The following TBC1D12 variants were observed in gnomAD, a reference collection of about 807,000 sequenced individuals.
The protein encoded by TBC1D12 is TBC1 domain family member 12.
TBC1D12 carries 56 observed loss-of-function variants against 86.7 expected under a neutral mutation model. The observed-to-expected ratio is 0.65, with a 90% CI of 0.52 to 0.81. The LOEUF is 0.81. Ranked by LOEUF, TBC1D12 falls within the 30% of genes least tolerant of loss-of-function variation. The pLI is 0.00. For synonymous variants in TBC1D12, 421 were observed against 411.7 expected, an observed-to-expected ratio of 1.02 and a Z score of -0.27; for missense variants, 1,023 against 1,038.8, an observed-to-expected ratio of 0.98 and a Z score of 0.21.
At chr10:94,466,770 A>G (rs564624342) in intron 2 of TBC1D12, among the ~76,000 whole-genome samples, 5 of 152,306 alleles carry the variant, frequency 3.3e-5, no homozygotes, top group African/African-American at 1.2e-4. Flanking sequence ...ACTTTGGTAG[A>G]TTACTATTAA....
At chr10:94,439,938 A>T (rs1384180306) in intron 1 of TBC1D12, among the ~76,000 whole-genome samples, 1 of 152,228 alleles carries the variant, frequency 6.6e-6, no homozygotes, top group African/African-American at 2.4e-5. Flanking sequence ...GTTTAAATTA[A>T]TAGACCATCC....
At chr10:94,465,655 A>AATATATAT (rs753424064) in intron 2 of TBC1D12, among the ~76,000 whole-genome samples, 4 of 106,728 alleles carry the variant, frequency 3.7e-5, no homozygotes, top group East Asian at 4.2e-4. Flanking sequence ...TAAAAAAAAA[A>AATATATAT]ATATATATAT....
At chr10:94,478,132 G>A (rs1371584357) in intron 3 of TBC1D12, among the ~76,000 whole-genome samples, 2 of 152,016 alleles carry the variant, frequency 1.3e-5, no homozygotes, top group South Asian at 2.1e-4. Flanking sequence ...AATAAGCCAG[G>A]GTGTGGTGGC....
chr10:94,443,655 C>G (rs1377687044), intron 2 of TBC1D12, among the ~76,000 whole-genome samples: 3 of 152,124 alleles, frequency 2.0e-5, no homozygotes, highest in Non-Finnish European at 4.4e-5. Context: ...TAATTAGAAG[C>G]AGTACACAGT....
intron 9 of TBC1D12, among the ~76,000 whole-genome samples, chr10:94,518,477 G>T (rs1324110756): frequency 1.3e-5 from 2 of 152,060 alleles, no homozygotes; most frequent in Non-Finnish European, 2.9e-5. Flanking sequence ...TCAGCCTTTT[G>T]TATGTGTCGT....
intron 2 of TBC1D12, among the ~76,000 whole-genome samples, chr10:94,472,644 T>C (rs1260182585): frequency 6.6e-6 from 1 of 152,110 alleles, no homozygotes; most frequent in Non-Finnish European, 1.5e-5. Context: ...AAGAAAAACA[T>C]GAGCAGAAAA....
intron 11 of TBC1D12, among the ~76,000 whole-genome samples, chr10:94,528,602 G>A (rs1341874730): frequency 6.6e-6 from 1 of 151,820 alleles, no homozygotes; most frequent in African/African-American, 2.4e-5. Context: ...CGGGTGGATC[G>A]TCTGAGGTCA....
intron 3 of TBC1D12, among the ~76,000 whole-genome samples, chr10:94,492,311 A>T (rs1383032344): frequency 6.6e-6 from 1 of 152,182 alleles, no homozygotes; most frequent in Non-Finnish European, 1.5e-5. Flanking sequence ...TATGCAAATG[A>T]TGGATGATCC....
intron 11 of TBC1D12, among the ~76,000 whole-genome samples, chr10:94,528,356 C>T (rs1016635801): frequency 5.9e-5 from 9 of 152,140 alleles, no homozygotes; most frequent in Admixed American, 6.5e-5. Flanking sequence ...ATCCAGTTTT[C>T]TGATAGAAGA....
intron 1 of TBC1D12, among the ~76,000 whole-genome samples, chr10:94,429,950 G>A (rs530112542): frequency 3.3e-5 from 5 of 152,182 alleles, no homozygotes; most frequent in South Asian, 2.1e-4. Flanking sequence ...TGCCCAGGCC[G>A]GTCTCGAACT....
intron 2 of TBC1D12, among the ~76,000 whole-genome samples, chr10:94,443,266 T>A (rs2055407236): frequency 6.6e-6 from 1 of 152,202 alleles, no homozygotes; most frequent in Non-Finnish European, 1.5e-5. Context: ...ATGTAGCTAG[T>A]CAGTAGTTAG....
At chr10:94,449,761 A>G (rs1485688374) in intron 2 of TBC1D12, among the ~76,000 whole-genome samples, 1 of 152,188 alleles carries the variant, frequency 6.6e-6, no homozygotes. Context: ...ATATCAGGCA[A>G]TTTTGGCTCT....
intron 3 of TBC1D12, among the ~76,000 whole-genome samples, chr10:94,483,733 T>G (rs1005197378): frequency 7.2e-6 from 1 of 139,654 alleles, no homozygotes; most frequent in South Asian, 2.2e-4. Context: ...TTTGTTTTTG[T>G]TTTTTTTTGT....
At position 94,522,039 on chromosome 10, in the gene TBC1D12, A is replaced by C; in HGVS notation, c.1846A>C (p.Asn616His). ...DAFIAFANLL[N>H]KPCQLAFFRV... ...CTTTATCGCATTTGCCAATCTCCTG[A>C]ATAAGCCATGCCAGTTGGCCTTTTT... The change falls in exon 10 of 13, where the codon AAT becomes CAT. Residue 616 changes from asparagine to histidine, a missense_variant. Physicochemically the swap from Asn to His is moderately conservative, Grantham distance 68 (BLOSUM62 1). Coordinates refer to ENST00000225235, the MANE Select transcript of TBC1D12 (RefSeq NM_015188.2). 6.2e-7 allele frequency: 1 copy of C among 1,613,136 alleles called. No individual in the cohort carries two copies.
At chr10:94,418,897 CAG>C (rs1256451697) in intron 1 of TBC1D12, among the ~76,000 whole-genome samples, 1 of 146,824 alleles carries the variant, frequency 6.8e-6, no homozygotes, top group East Asian at 2.0e-4. Context: ...TTTTTCGAGG[CAG>C]AGTCTCGCTC....
chr10:94,437,991 C>CTTTTTTTTTTTTTTTTTTTTTTTT (rs60477158), intron 1 of TBC1D12, among the ~76,000 whole-genome samples: 1 of 30,034 alleles, frequency 3.3e-5, no homozygotes, highest in Non-Finnish European at 5.3e-5. Flanking sequence ...TCTCCTGGAG[C>CTTTTTTTTTTTTTTTTTTTTTTTT]TTTTTTTTTT....
chr10:94,531,068 C>T, intron 11 of TBC1D12, 134 bp from the exon 12 acceptor site: 5 of 1,006,920 alleles, frequency 5.0e-6, no homozygotes, highest in Non-Finnish European at 7.2e-6. Context: ...CCGTGTTGGC[C>T]AGGATGGGAA....
At chr10:94,448,966 G>T (rs1009251563) in intron 2 of TBC1D12, among the ~76,000 whole-genome samples, 1 of 152,126 alleles carries the variant, frequency 6.6e-6, no homozygotes, top group Non-Finnish European at 1.5e-5. Context: ...AATTTGTGTG[G>T]TCTAAAGATT....
At chr10:94,441,009 T>C (rs1053790045) in intron 1 of TBC1D12, among the ~76,000 whole-genome samples, 8 of 151,966 alleles carry the variant, frequency 5.3e-5, no homozygotes, top group African/African-American at 7.2e-5. Context: ...ACCACCACGC[T>C]TGGCTAATTT....
Sources: gnomAD v4.1 joint callset for allele counts (sites outside exome capture counted in the v4.1 genomes callset) on GRCh38, gnomAD v4.1.1 for gene constraint, MANE v1.5 for transcripts, NCBI Gene and HGNC (gene_info 2026-07-23, HGNC 2026-07-21) for gene names.